Variants in KIF20B observed in about 807,000 individuals in gnomAD.
KIF20B encodes the protein kinesin-like protein KIF20B.
Under a neutral mutation model 232.5 loss-of-function variants are expected in KIF20B, and 188 were observed. The ratio of observed to expected loss-of-function variants is 0.81; its 90% CI spans 0.72 to 0.91. The LOEUF is 0.91. Ranked by LOEUF, KIF20B falls within the 40% of genes least tolerant of loss-of-function variation. KIF20B has a pLI of 0.00. For synonymous variants in KIF20B, 712 were observed against 683.0 expected, an observed-to-expected ratio of 1.04 and a Z score of -0.66; for missense variants, 2,154 against 2,055.9, an observed-to-expected ratio of 1.05 and a Z score of -0.92.
chr10:89,755,673 C>T (rs1011806202), intron 26 of KIF20B, among the ~76,000 whole-genome samples: 2 of 151,774 alleles, frequency 1.3e-5, no homozygotes, highest in Admixed American at 6.6e-5. Flanking sequence ...GGCTCACTGC[C>T]GCCTCAGACT....
chr10:89,733,036 A>C lies in KIF20B; in HGVS notation c.2525A>C (p.Asp842Ala). The change falls in exon 19 of 33, where the codon GAT (aspartate) becomes GCT (alanine). Residue 842 changes from aspartate (D) to alanine (A), a missense_variant. Physicochemically the swap from Asp to Ala is moderately radical, Grantham distance 126. Coordinates refer to ENST00000371728, the MANE Select transcript of KIF20B (RefSeq NM_001284259.2). ...KRVNENELQQ[D>A]EPPAKKGSIH... ...GTAAATGAAAATGAACTTCAGCAAG[A>C]TGAACCACCAGCAAAGAAAGGTACT... The C allele has an allele frequency of 6.2e-7, 1 of 1,613,726 alleles. No homozygotes were observed.
At chr10:89,772,584 G>A in intron 31 of KIF20B, 105 bp from the exon 32 acceptor site, 1 of 670,134 alleles carries the variant, frequency 1.5e-6, no homozygotes. Flanking sequence ...GTTTGTGTAT[G>A]TTCATTCTTT....
At chr10:89,715,301 GAGA>G (rs1306896184) in intron 8 of KIF20B, 119 bp downstream of exon 8, 2 of 664,142 alleles carry the variant, frequency 3.0e-6, no homozygotes, top group Non-Finnish European at 5.1e-6. Flanking sequence ...TTAACATTAA[GAGA>G]AGAAGATAAT....
chr10:89,729,244 C>A lies in KIF20B; in HGVS notation c.2388C>A (p.Cys796Ter). The change falls in exon 18 of 33, where the codon TGC becomes TGA. Residue 796 changes from cysteine to a stop codon, truncating the protein, a stop_gained. Transcript: ENST00000371728. LOFTEE classifies it high-confidence loss of function. ...LKSHMENTFK[C>*]NDKADTSSLI... Reference sequence around the variant, plus strand: ...CTCATATGGAAAACACATTTAAATGCAATGTAAGAATTTAACCTTGTGTTA... The same window carrying A: ...CTCATATGGAAAACACATTTAAATGAAATGTAAGAATTTAACCTTGTGTTA... 6.8e-7 allele frequency: 1 copy of A among 1,479,694 alleles called. No homozygotes were observed. Among genetic ancestry groups the A allele is most frequent in the South Asian group, 1.3e-5 (1 of 77,230 alleles). 91.7% of individuals were successfully genotyped at this position (1,479,694 alleles called of 1,614,324 possible). A position where few individuals can be genotyped will look rare whatever the true frequency, so the allele number is the denominator to read the frequency against.
At position 89,738,990 on chromosome 10, in the gene KIF20B, G is replaced by A. The variant is rs746139748; in HGVS notation, c.3809G>A (p.Arg1270His). 37 of 1,612,966 alleles carry A rather than the reference G, an allele frequency of 2.3e-5. No individual in the cohort carries two copies. Among genetic ancestry groups the A allele is most frequent in the Admixed American group, 1.2e-4 (7 of 59,876 alleles). Residue 1270 changes from arginine (R) to histidine (H), a missense_variant, in exon 21 of 33, where the codon CGT becomes CAT. Physicochemically the swap from Arg to His is conservative, Grantham distance 29. Transcript: ENST00000371728. ...GAGGAACTCTCTGCAAGCTCTGCTC[G>A]TACCCAGAATCTGAAAGCAGATCTT... Reference protein sequence around the residue: ...LKEELSASSARTQNLKADLQR... With the variant: ...LKEELSASSAHTQNLKADLQR...
chr10:89,764,782 G>A (rs918743831), intron 29 of KIF20B, among the ~76,000 whole-genome samples: 4 of 151,800 alleles, frequency 2.6e-5, no homozygotes, highest in African/African-American at 9.7e-5. Flanking sequence ...GTTCATTGTA[G>A]ATTCTGGATA....
chr10:89,714,143 G>A (rs1052003432), intron 7 of KIF20B, 60 bp downstream of exon 7: 16 of 977,368 alleles, frequency 1.6e-5, no homozygotes, highest in Non-Finnish European at 2.3e-5. Context: ...CACTTGAAAA[G>A]CTTTTAATTT....
Position 89,717,294 on chromosome 10 carries a change from T to A in KIF20B, c.1053-130T>A, listed in dbSNP as rs554389932. The A allele has an allele frequency of 3.5e-4, 209 of 596,410 alleles. 3 individuals carry two copies. In the South Asian group the frequency reaches 5.5e-3, roughly 16 times the overall value. 36.9% of individuals were successfully genotyped at this position (596,410 alleles called of 1,614,324 possible). A position where few individuals can be genotyped will look rare whatever the true frequency, so the allele number is the denominator to read the frequency against. On this transcript the variant is annotated intron_variant, in intron 9 of 32. Coordinates refer to ENST00000371728, the MANE Select transcript of KIF20B (RefSeq NM_001284259.2). ...ACACTGGCTTGAAATATTTAACAGC[T>A]AATTGGAAAATGCAATGGTGGACTG... is the stretch of plus-strand genomic sequence containing the variant.
At chr10:89,757,678 C>T (rs570507682) in intron 26 of KIF20B, among the ~76,000 whole-genome samples, 3 of 151,956 alleles carry the variant, frequency 2.0e-5, no homozygotes, top group Admixed American at 2.0e-4. Context: ...AGATAGTGGT[C>T]AAAGCTCTTG....
At chr10:89,725,323 A>G (rs1843158680) in intron 15 of KIF20B, among the ~76,000 whole-genome samples, 165 bp downstream of exon 15, 1 of 152,102 alleles carries the variant, frequency 6.6e-6, no homozygotes, top group Non-Finnish European at 1.5e-5. Context: ...TAAGGCACCA[A>G]GAATTTAAAT....
At position 89,705,187 on chromosome 10, in the gene KIF20B, A is replaced by C. The variant is rs944021235; in HGVS notation, c.-1-107A>C. 6.9e-5 allele frequency: 62 copies of C among 897,786 alleles called. 1 individual carries two copies. Among genetic ancestry groups the C allele is most frequent in the Non-Finnish European group, 1.0e-4 (58 of 570,550 alleles). The allele number at this position is 897,786 out of a possible 1,614,324, so 55.6% of individuals were successfully genotyped here. A position where few individuals can be genotyped will look rare whatever the true frequency, so the allele number is the denominator to read the frequency against. ...AAGCAATGTAATGCGTTTCTTTTCT[A>C]AAATCTAGTTATTTGGAGGGAAGTA... On this transcript the variant is annotated intron_variant, in intron 1 of 32. Coordinates refer to ENST00000371728, the MANE Select transcript of KIF20B (RefSeq NM_001284259.2).
intron 21 of KIF20B, among the ~76,000 whole-genome samples, chr10:89,742,238 G>A (rs1375335218): frequency 6.6e-6 from 1 of 152,174 alleles, no homozygotes; most frequent in Non-Finnish European, 1.5e-5. Context: ...AAATTTGTGG[G>A]TGGAGGATGC....
Position 89,745,657 on chromosome 10 carries a change from C to T in KIF20B, c.4036-242C>T, listed in dbSNP as rs367929192. ...GTCGCCAGGCTGGAGTACAGTGGTG[C>T]GATCTTGGCTCACTGCAATCTTGGC... On this transcript the variant is annotated intron_variant, in intron 22 of 32. Coordinates refer to ENST00000371728, the MANE Select transcript of KIF20B (RefSeq NM_001284259.2). Among the ~76,000 whole-genome samples, 13 of 151,582 alleles carry T rather than the reference C, an allele frequency of 8.6e-5. No homozygotes were observed. In the South Asian group the frequency reaches 2.5e-3, roughly 29 times the overall value.
At chr10:89,763,854 ATATT>A (rs1564675616) in intron 29 of KIF20B, among the ~76,000 whole-genome samples, 5 of 147,872 alleles carry the variant, frequency 3.4e-5, no homozygotes, top group South Asian at 2.1e-4. Context: ...GTTACTATTA[ATATT>A]TATTAATAGT....
rs1200805646 is a variant in KIF20B, at chr10:89,719,672, A to G, written c.1688A>G (p.Glu563Gly). The G allele has an allele frequency of 1.2e-6, 2 of 1,608,452 alleles. No individual in the cohort carries two copies. The highest frequency in any genetic ancestry group is 1.7e-6 in the Non-Finnish European group (2 of 1,178,286). Residue 563 changes from glutamate (E) to glycine (G), a missense_variant, in exon 13 of 33, where the codon GAA becomes GGA. Transcript: ENST00000371728. The stretch of plus-strand genomic sequence containing the variant: ...GAAGATCTAGATAAAACATTAGAGG[A>G]AAATAAGGCTTTCATTAGCCACGAG... ...LDEDLDKTLE[E>G]NKAFISHEEK...
chr10:89,707,958 G>A (rs1445480358), intron 2 of KIF20B, among the ~76,000 whole-genome samples: 2 of 152,094 alleles, frequency 1.3e-5, no homozygotes, highest in African/African-American at 2.4e-5. Context: ...TTAATTGCCT[G>A]GATTGATTTT....
Position 89,774,015 on chromosome 10 carries a change from C to G in KIF20B, c.5430C>G (p.Ile1810Met), listed in dbSNP as rs1842520295. Residue 1810 changes from isoleucine (I) to methionine (M), a missense_variant, in exon 33 of 33, where the codon ATC becomes ATG. Ile to Met is a conservative substitution (Grantham distance 10). Coordinates refer to ENST00000371728, the MANE Select transcript of KIF20B (RefSeq NM_001284259.2). ...TGAAGGAGAGTGATCACCAGATTAT[C>G]AAACGACGACTTCGAACAAAAACAG... ...QKMKESDHQIIKRRLRTKTAK is the reference protein window; with the variant it reads ...QKMKESDHQIMKRRLRTKTAK 7.5e-6 allele frequency: 12 copies of G among 1,591,196 alleles called. No homozygotes were observed. Among genetic ancestry groups the G allele is most frequent in the Non-Finnish European group, 1.0e-5 (12 of 1,167,646 alleles).
intron 13 of KIF20B, chr10:89,723,692 G>A: frequency 5.1e-6 from 1 of 196,720 alleles, no homozygotes; most frequent in Non-Finnish European, 1.0e-5. Context: ...GATAATAAAT[G>A]CACTAATTAA....
At position 89,714,153 on chromosome 10, in the gene KIF20B, T is replaced by C; in HGVS notation, c.712+70T>C. ...AAGTACACTTGAAAAGCTTTTAATT[T>C]TTAAATCACTTCTAATGTTTTATTT... On this transcript the variant is annotated intron_variant, in intron 7 of 32. Coordinates refer to ENST00000371728, the MANE Select transcript of KIF20B (RefSeq NM_001284259.2). 4.7e-6 allele frequency: 4 copies of C among 858,396 alleles called. No homozygotes were observed. In the South Asian group the frequency reaches 9.0e-5, roughly 19 times the overall value. 53.2% of individuals were successfully genotyped at this position (858,396 alleles called of 1,614,324 possible). A position where few individuals can be genotyped will look rare whatever the true frequency, so the allele number is the denominator to read the frequency against.
Sources: allele counts gnomAD v4.1 joint callset (sites outside exome capture counted in the v4.1 genomes callset), GRCh38; gene constraint gnomAD v4.1.1; transcripts MANE v1.5; gene names NCBI Gene and HGNC (gene_info 2026-07-23, HGNC 2026-07-21).